IBSP: variants seen among roughly 807,000 people sequenced by gnomAD.
The protein encoded by IBSP is integrin binding sialoprotein.
IBSP carries 19 observed loss-of-function variants against 25.5 expected under a neutral mutation model. The ratio of observed to expected loss-of-function variants is 0.74; its 90% confidence interval spans 0.52 to 1.09. IBSP has a LOEUF of 1.09. Ranked by LOEUF, IBSP falls within the 50% of genes least tolerant of loss-of-function variation. The pLI is 0.00. For missense variants in IBSP, 360 were observed against 382.3 expected (o/e 0.94, Z 0.49); for synonymous variants, 144 against 137.6 (o/e 1.05, Z -0.33).
rs1438364966 is a variant in IBSP, at chr4:87,811,996, C to A, written c.*86C>A. ...TTCAACTCAGGAAGGTGCAATATAACAAATGTGCATATTATAATGAGGAAT... is the reference window on the plus strand; with the variant it reads ...TTCAACTCAGGAAGGTGCAATATAAAAAATGTGCATATTATAATGAGGAAT... On this transcript the variant is annotated 3_prime_UTR_variant, in exon 7 of 7. Coordinates refer to ENST00000226284, the MANE Select transcript of IBSP (RefSeq NM_004967.4). 1 of 1,033,298 alleles carries A rather than the reference C, an allele frequency of 9.7e-7. No homozygotes were observed. Among genetic ancestry groups the A allele is most frequent in the Non-Finnish European group, 1.4e-6 (1 of 708,382 alleles). 64.0% of individuals were successfully genotyped at this position (1,033,298 alleles called of 1,614,324 possible).
chr4:87,806,244 C>T lies in IBSP; in HGVS notation c.246+60C>T, dbSNP rs1578043417. The T allele has an allele frequency of 4.6e-6, 6 of 1,292,938 alleles. No homozygotes were observed. The East Asian group carries it at 1.4e-4, about 30-fold the overall frequency. The allele number at this position is 1,292,938 out of a possible 1,614,324, so 80.1% of individuals were successfully genotyped here. A position where few individuals can be genotyped will look rare whatever the true frequency, so the allele number is the denominator to read the frequency against. ...GACAGCACAAGAAACAAATAGGAAA[C>T]TAGTCTATTGCATTCTGGACTCAGC... On this transcript the variant is annotated intron_variant, in intron 5 of 6. Coordinates refer to ENST00000226284, the MANE Select transcript of IBSP (RefSeq NM_004967.4).
intron 4 of IBSP, 124 bp downstream of exon 4, chr4:87,802,855 A>C (rs1722040443): frequency 1.6e-6 from 1 of 628,820 alleles, no homozygotes; most frequent in Admixed American, 3.7e-5. Context: ...ACTGCTTACT[A>C]TAAGAAGTTT....
intron 4 of IBSP, among the ~76,000 whole-genome samples, chr4:87,804,640 C>G (rs2110056692): frequency 6.6e-6 from 1 of 152,268 alleles, no homozygotes; most frequent in African/African-American, 2.4e-5. Context: ...AATTTCAGAA[C>G]TCTTTCATCT....
At chr4:87,800,965 T>C (rs1722004802) in intron 1 of IBSP, among the ~76,000 whole-genome samples, 1 of 152,202 alleles carries the variant, frequency 6.6e-6, no homozygotes, top group Admixed American at 6.6e-5. Context: ...TGTATGTAAA[T>C]GTAAATGGCT....
At chr4:87,807,283 T>C (rs1722102129) in intron 5 of IBSP, among the ~76,000 whole-genome samples, 1 of 152,220 alleles carries the variant, frequency 6.6e-6, no homozygotes, top group South Asian at 2.1e-4. Flanking sequence ...GTGCTATTTA[T>C]GAATGGACAA....
At chr4:87,799,860 AT>A (rs1309453908) in intron 1 of IBSP, among the ~76,000 whole-genome samples, 1 of 152,182 alleles carries the variant, frequency 6.6e-6, no homozygotes, top group Non-Finnish European at 1.5e-5. Context: ...CATAAACTAC[AT>A]TATGCTTCTT....
intron 6 of IBSP, 21 bp from the exon 7 acceptor site, chr4:87,811,341 C>A: frequency 1.3e-6 from 2 of 1,575,688 alleles, no homozygotes; most frequent in Non-Finnish European, 1.7e-6. Context: ...GATTTGGGTT[C>A]TTTCAAACGT....
At chr4:87,804,210 A>G (rs558834586) in intron 4 of IBSP, among the ~76,000 whole-genome samples, 1 of 152,252 alleles carries the variant, frequency 6.6e-6, no homozygotes, top group African/African-American at 2.4e-5. Context: ...AGTATTCATG[A>G]CCCATTCTTC....
intron 5 of IBSP, among the ~76,000 whole-genome samples, chr4:87,807,006 GA>G (rs796219608): frequency 5.5e-5 from 8 of 144,256 alleles, no homozygotes; most frequent in South Asian, 2.2e-4. Context: ...CTCTGTCACA[GA>G]AAAAAAAAAC....
chr4:87,811,349 C>T lies in IBSP; in HGVS notation c.406-13C>T, dbSNP rs373732829. On this transcript the variant is annotated splice_polypyrimidine_tract_variant and intron_variant, in intron 6 of 6. Transcript: ENST00000226284. ...ACAGCTAGATTTGGGTTCTTTCAAACGTTTCCTTACAGGCTGGGGATATAA... is the reference window on the plus strand; with the variant it reads ...ACAGCTAGATTTGGGTTCTTTCAAATGTTTCCTTACAGGCTGGGGATATAA... 1.5e-5 allele frequency: 24 copies of T among 1,580,768 alleles called. No individual in the cohort carries two copies. The highest frequency in any genetic ancestry group is 5.7e-5 in the Admixed American group (3 of 52,224).
intron 5 of IBSP, among the ~76,000 whole-genome samples, chr4:87,808,383 A>G (rs1274722715): frequency 8.5e-5 from 13 of 152,106 alleles, no homozygotes; most frequent in East Asian, 5.8e-4. Context: ...GGGTTTCACC[A>G]TGTTAGCCAG....
At chr4:87,810,101 G>C (rs1722149964) in intron 5 of IBSP, among the ~76,000 whole-genome samples, 1 of 152,160 alleles carries the variant, frequency 6.6e-6, no homozygotes, top group South Asian at 2.1e-4. Context: ...GCATGTGCCT[G>C]TAGTCTCAGT....
intron 4 of IBSP, among the ~76,000 whole-genome samples, chr4:87,803,054 A>G (rs756258594): frequency 9.2e-5 from 14 of 152,192 alleles, no homozygotes; most frequent in Non-Finnish European, 1.6e-4. Context: ...TTGTTGACCA[A>G]TTCCATCAGT....
intron 5 of IBSP, 121 bp downstream of exon 5, chr4:87,806,305 A>G: frequency 2.7e-6 from 2 of 729,856 alleles, no homozygotes; most frequent in South Asian, 1.7e-5. Flanking sequence ...TGCCCATAAT[A>G]TCCTATTTTG....
intron 6 of IBSP, 78 bp downstream of exon 6, chr4:87,810,842 T>C (rs1254091531): frequency 7.5e-7 from 1 of 1,327,272 alleles, no homozygotes; most frequent in East Asian, 2.4e-5. Flanking sequence ...TTTTAAACTT[T>C]TTAACTGGAG....
In IBSP at chr4:87,811,672, C is replaced by A. The variant is rs1252622136; in HGVS notation, c.716C>A (p.Thr239Asn). Residue 239 changes from threonine (T) to asparagine (N), a missense_variant, in exon 7 of 7, where the codon ACC (threonine) becomes AAC (asparagine). Coordinates refer to ENST00000226284, the MANE Select transcript of IBSP (RefSeq NM_004967.4). ...CCAAATGGTGGGTTTGAACCTACAACCCCACCACAAGTCTATAGAACCACT... is the reference window on the plus strand; with the variant it reads ...CCAAATGGTGGGTTTGAACCTACAAACCCACCACAAGTCTATAGAACCACT... Reference protein sequence around the residue: ...TSPNGGFEPTTPPQVYRTTSP... With the variant: ...TSPNGGFEPTNPPQVYRTTSP... 6.2e-7 allele frequency: 1 copy of A among 1,613,868 alleles called. No individual in the cohort carries two copies. Among genetic ancestry groups the A allele is most frequent in the East Asian group, 2.2e-5 (1 of 44,844 alleles).
In IBSP at chr4:87,810,761, G is replaced by C; in HGVS notation, c.402G>C (p.Lys134Asn). The stretch of plus-strand genomic sequence containing the variant: ...GGTTAGCTGCAATCCAGCTTCCCAA[G>C]AAGGTAACAATGGAATTATTCCTCC... ...YTGLAAIQLP[K>N]KAGDITNKAT... is the part of the protein sequence containing the mutation. Residue 134 changes from lysine to asparagine, a missense_variant, in exon 6 of 7, where the codon AAG becomes AAC. Transcript: ENST00000226284. 1 of 1,607,740 alleles carries C rather than the reference G, an allele frequency of 6.2e-7. No homozygotes were observed. Among genetic ancestry groups the C allele is most frequent in the Non-Finnish European group, 8.5e-7 (1 of 1,177,680 alleles).
intron 1 of IBSP, among the ~76,000 whole-genome samples, chr4:87,800,630 C>A (rs958479): frequency 0.79 from 119,607 of 152,008 alleles, 47,516 homozygotes; most frequent in African/African-American, 0.89. Context: ...GCCATCAAGA[C>A]CTTTTACTAA....
chr4:87,800,619 G>C (rs78069880), intron 1 of IBSP, among the ~76,000 whole-genome samples: 1 of 152,010 alleles, frequency 6.6e-6, no homozygotes, highest in Admixed American at 6.6e-5. Context: ...ATTCCCAAGG[G>C]GCCATCAAGA....
Sources: allele counts gnomAD v4.1 joint callset (sites outside exome capture counted in the v4.1 genomes callset), GRCh38; gene constraint gnomAD v4.1.1; transcripts MANE v1.5; gene names NCBI Gene and HGNC (gene_info 2026-07-23, HGNC 2026-07-21).